Variants in EPC1 observed in about 807,000 individuals in gnomAD.
EPC1 encodes the protein enhancer of polycomb 1.
In EPC1, 12 loss-of-function variants were observed where a neutral mutation model predicts 98.4. The observed-to-expected ratio is 0.12, with a 90% CI of 0.08 to 0.20. The LOEUF (loss-of-function observed/expected upper bound fraction) is 0.20, where lower values mean the gene tolerates loss of function less well. EPC1 is among the 10% of genes least tolerant of loss of function. EPC1 has a pLI of 1.00. For synonymous variants in EPC1, 357 were observed against 363.9 expected (o/e 0.98, Z 0.21); for missense variants, 729 against 990.5 (o/e 0.74, Z 3.54).
At chr10:32,322,495 C>G (rs1453143326) in intron 1 of EPC1, among the ~76,000 whole-genome samples, 1 of 152,108 alleles carries the variant, frequency 6.6e-6, no homozygotes, top group East Asian at 1.9e-4. Flanking sequence ...TAGGTTGAAA[C>G]AAAGTATCAA....
chr10:32,300,293 A>G (rs2490514), intron 2 of EPC1, among the ~76,000 whole-genome samples: 150,118 of 152,060 alleles, frequency 0.99, 74,121 homozygotes, highest in Middle Eastern at 1. Context: ...TGTGCACAAC[A>G]TGCAGGTTTG....
chr10:32,275,652 G>C, intron 10 of EPC1, among the ~76,000 whole-genome samples: 1 of 151,966 alleles, frequency 6.6e-6, no homozygotes, highest in South Asian at 2.1e-4. Context: ...GCACGTGCCT[G>C]TAGTCCCAGC....
intron 1 of EPC1, among the ~76,000 whole-genome samples, chr10:32,324,540 C>CAA (rs1157634967): frequency 1.7e-5 from 2 of 117,718 alleles, no homozygotes; most frequent in East Asian, 2.5e-4. Flanking sequence ...TCAAAAAAGA[C>CAA]AAAAAAAAAA....
chr10:32,284,892 A>T lies in EPC1; in HGVS notation c.1550T>A (p.Ile517Lys), dbSNP rs1836593896. 3 of 1,614,090 alleles carry T rather than the reference A, an allele frequency of 1.9e-6. No individual in the cohort carries two copies. Among genetic ancestry groups the T allele is most frequent in the Non-Finnish European group, 1.7e-6 (2 of 1,180,056 alleles). ...DKSFSKDLSQ[I>K]LVNIKSCRWR... Reference sequence around the variant, plus strand: ...TCTACATGATTTGATATTGACTAGTATCTGACTGAGGTCTTTAGAGAAAGA... The same window carrying T: ...TCTACATGATTTGATATTGACTAGTTTCTGACTGAGGTCTTTAGAGAAAGA... The change falls in exon 10 of 14, where the codon ATA becomes AAA. Residue 517 changes from isoleucine to lysine, a missense_variant. This residue lies in a region of EPC1 where 390 missense variants were observed against 438.6 expected (regional missense o/e 0.89). Transcript: ENST00000319778.
chr10:32,301,128 A>C (rs573825641), intron 2 of EPC1, among the ~76,000 whole-genome samples: 1 of 152,096 alleles, frequency 6.6e-6, no homozygotes, highest in East Asian at 1.9e-4. Context: ...ATGCCCACCC[A>C]CTCATACACG....
At chr10:32,299,247 G>A (rs1835353404) in intron 2 of EPC1, among the ~76,000 whole-genome samples, 1 of 152,156 alleles carries the variant, frequency 6.6e-6, no homozygotes, top group Admixed American at 6.5e-5. Context: ...GTGCAGTGGC[G>A]TGATCTCAGT....
intron 1 of EPC1, among the ~76,000 whole-genome samples, chr10:32,340,302 T>C (rs956487837): frequency 6.6e-6 from 1 of 152,240 alleles, no homozygotes. Context: ...TTATAGTAGA[T>C]GTAATAAGTA....
At chr10:32,376,378 G>C (rs538825583) in intron 1 of EPC1, among the ~76,000 whole-genome samples, 1 of 152,018 alleles carries the variant, frequency 6.6e-6, no homozygotes, top group African/African-American at 2.4e-5. Context: ...GTGTTGGAAA[G>C]TATATTTTAT....
In EPC1 at chr10:32,272,148, A is replaced by C; in HGVS notation, c.1883T>G (p.Leu628Trp). The C allele has an allele frequency of 6.2e-7, 1 of 1,608,662 alleles. No homozygotes were observed. The highest frequency in any genetic ancestry group is 8.5e-7 in the Non-Finnish European group (1 of 1,178,712). ...AGCAAACTGTGCACTAGCAGAATCC[A>C]AAGTCTTAGAAACAAAACCCTAAAA... ...NTSQGFVSKT[L>W]DSASAQFAAS... The change falls in exon 12 of 14, where the codon TTG (leucine) becomes TGG (tryptophan). Residue 628 changes from leucine to tryptophan, a missense_variant. Transcript: ENST00000319778.
intron 10 of EPC1, chr10:32,273,786 A>T (rs551718601): frequency 2.0e-5 from 3 of 152,336 alleles, no homozygotes; most frequent in South Asian, 2.1e-4. Context: ...CATTAAAAAA[A>T]TTTGCTCTAT....
chr10:32,323,267 T>C (rs1038087015), intron 1 of EPC1, among the ~76,000 whole-genome samples: 1 of 152,146 alleles, frequency 6.6e-6, no homozygotes, highest in Non-Finnish European at 1.5e-5. Context: ...TCCCCCCCAG[T>C]GTAATTTCTG....
At chr10:32,303,863 A>G (rs910185181) in intron 2 of EPC1, among the ~76,000 whole-genome samples, 10 of 152,378 alleles carry the variant, frequency 6.6e-5, no homozygotes, top group African/African-American at 2.2e-4. Flanking sequence ...ATACTGTACA[A>G]TAGTTGTACA....
rs1468140715 is a variant in EPC1, at chr10:32,271,530, T to C, written c.2369+24A>G. The C allele has an allele frequency of 3.1e-6, 5 of 1,603,242 alleles. No homozygotes were observed. In the South Asian group the frequency reaches 5.5e-5, roughly 18 times the overall value. ...GAAGTTAGATCTCTTATTCCAGGTA[T>C]GTTAGGCAAAAATAACTACTCACCT... On this transcript the variant is annotated intron_variant, in intron 13 of 13. Transcript: ENST00000319778.
chr10:32,292,793 T>C, intron 4 of EPC1, 149 bp from the exon 5 acceptor site: 1 of 862,308 alleles, frequency 1.2e-6, no homozygotes, highest in African/African-American at 1.8e-5. Context: ...ATCAATTTTG[T>C]ATTGATTTTT....
intron 1 of EPC1, among the ~76,000 whole-genome samples, chr10:32,307,556 T>C (rs1248222553): frequency 1.3e-5 from 2 of 152,230 alleles, no homozygotes; most frequent in African/African-American, 2.4e-5. Context: ...CTCAATTTGA[T>C]TTTTGATTCT....
chr10:32,294,205 T>C (rs570713257), intron 2 of EPC1, among the ~76,000 whole-genome samples: 1 of 151,978 alleles, frequency 6.6e-6, no homozygotes, highest in East Asian at 1.9e-4. Flanking sequence ...GCTAAGGGAG[T>C]GGTCTTTAAA....
In EPC1 at chr10:32,364,001, CATTTTTTTT is replaced by C. The variant is rs1410381339; in HGVS notation, c.3+14481_3+14489del. ...AATAGTATCGTGTCCATCATGTTGG[CATTTTTTTT>C]TTTTTTTTTTTTTTTTTTTTTTAGA... On this transcript the variant is annotated intron_variant, in intron 1 of 13. Coordinates refer to the EPC1 transcript ENST00000375110. Among the ~76,000 whole-genome samples, 21 of 61,858 alleles carry C rather than the reference CATTTTTTTT, an allele frequency of 3.4e-4. 1 individual carries two copies. In the South Asian group the frequency reaches 3.9e-3, roughly 11 times the overall value. The allele number at this position is 61,858 out of a possible 152,430, so 40.6% of individuals were successfully genotyped here. A position where few individuals can be genotyped will look rare whatever the true frequency, so the allele number is the denominator to read the frequency against.
At chr10:32,293,284 A>C in intron 3 of EPC1, 90 bp from the exon 4 acceptor site, 2 of 1,004,636 alleles carry the variant, frequency 2.0e-6, no homozygotes, top group Non-Finnish European at 2.9e-6. Context: ...AATAATCAAT[A>C]TTACAACATT....
upstream of EPC1, chr10:32,347,168 A>C: frequency 7.4e-7 from 1 of 1,355,984 alleles, no homozygotes; most frequent in Non-Finnish European, 9.5e-7. Context: ...TGCGCTCTTC[A>C]GCCAACCCCA....
Sources: allele counts gnomAD v4.1 joint callset (sites outside exome capture counted in the v4.1 genomes callset), GRCh38; gene constraint gnomAD v4.1.1; regional missense constraint gnomAD v4.1.1; transcripts MANE v1.5; gene names NCBI Gene and HGNC (gene_info 2026-07-23, HGNC 2026-07-21).